The following HIVEP1 variants were observed in gnomAD, a reference collection of about 807,000 sequenced individuals.
HIVEP1 encodes the protein HIVEP zinc finger 1, also known as zinc finger protein 40.
A neutral mutation model predicts 180.0 loss-of-function variants in HIVEP1; 36 were observed. The observed-to-expected ratio is 0.20, with a 90% CI of 0.15 to 0.26. The LOEUF (loss-of-function observed/expected upper bound fraction) is 0.26. Among genes scored for constraint, HIVEP1 ranks in the 10% least tolerant of loss-of-function variants. HIVEP1 has a pLI of 1.00. For synonymous variants in HIVEP1, 1,239 were observed against 1,239.0 expected (o/e 1.00, Z 0.00); for missense variants, 3,143 against 3,268.7 (o/e 0.96, Z 0.94).
At chr6:12,102,930 TCA>T (rs1323384722) in intron 3 of HIVEP1, among the ~76,000 whole-genome samples, 1 of 152,162 alleles carries the variant, frequency 6.6e-6, no homozygotes, top group Admixed American at 6.5e-5. Flanking sequence ...TTAATAGTGT[TCA>T]GTCTACTTTA....
rs70981658 is a variant in HIVEP1 at position 12,020,890 on chromosome 6, C to CTTTTTTT, written c.40+5234_40+5240dup. 9.6e-4 allele frequency among the ~76,000 whole-genome samples: 101 copies of CTTTTTTT among 105,750 alleles called. 3 individuals are homozygous for CTTTTTTT. Among genetic ancestry groups the CTTTTTTT allele is most frequent in the East Asian group, 2.5e-3 (9 of 3,626 alleles). 69.4% of individuals were successfully genotyped at this position (105,750 alleles called of 152,430 possible). A position where few individuals can be genotyped will look rare whatever the true frequency, so the allele number is the denominator to read the frequency against. The stretch of plus-strand genomic sequence containing the variant: ...GAGAACCAGATTTCTTTCTTTCTTT[C>CTTTTTTT]TTTTTTTTTTTTTTTTTTGAGACGG... On this transcript the variant is annotated intron_variant, in intron 2 of 8. Transcript: ENST00000379388.
chr6:12,024,325 G>A (rs758407902), intron 2 of HIVEP1, among the ~76,000 whole-genome samples: 8 of 139,370 alleles, frequency 5.7e-5, no homozygotes, highest in Non-Finnish European at 9.3e-5. Context: ...GATGAATTTT[G>A]TTCTAGAAAA....
chr6:12,013,118 C>G (rs1767490806), intron 1 of HIVEP1, among the ~76,000 whole-genome samples: 1 of 152,106 alleles, frequency 6.6e-6, no homozygotes, highest in Non-Finnish European at 1.5e-5. Flanking sequence ...GAGGAGGAGT[C>G]TCAGGGCTGC....
At chr6:12,135,274 G>T (rs974233591) in intron 6 of HIVEP1, among the ~76,000 whole-genome samples, 7 of 152,240 alleles carry the variant, frequency 4.6e-5, no homozygotes, top group African/African-American at 9.6e-5. Context: ...AAACTGTTAA[G>T]GTCCCAGGCA....
At chr6:12,050,257 G>C (rs945048590) in intron 2 of HIVEP1, among the ~76,000 whole-genome samples, 2 of 152,174 alleles carry the variant, frequency 1.3e-5, no homozygotes, top group African/African-American at 4.8e-5. Context: ...TGAATAACGA[G>C]AGTTCATGCC....
chr6:12,167,900 AAT>A (rs1241950261), downstream of HIVEP1, among the ~76,000 whole-genome samples: 2 of 141,424 alleles, frequency 1.4e-5, no homozygotes, highest in Non-Finnish European at 1.5e-5. Flanking sequence ...GTGCGTATAT[AAT>A]ATATACACAT....
chr6:12,207,950 G>A, the HIVEP1 span, among the ~76,000 whole-genome samples: 3 of 150,004 alleles, frequency 2.0e-5, no homozygotes, highest in East Asian at 1.9e-4. Flanking sequence ...GGATGTGGAA[G>A]AATCAGACCT....
intron 2 of HIVEP1, among the ~76,000 whole-genome samples, chr6:12,074,614 GA>G (rs571751619): frequency 4.8e-5 from 6 of 124,192 alleles, no homozygotes; most frequent in African/African-American, 2.0e-4. Flanking sequence ...TTAATTGTAT[GA>G]AAAAGTGTGT....
chr6:12,207,519 T>C, the HIVEP1 span, among the ~76,000 whole-genome samples: 2 of 152,072 alleles, frequency 1.3e-5, no homozygotes, highest in African/African-American at 4.8e-5. Flanking sequence ...GTGCTAGAAA[T>C]ACCTGTCAAA....
chr6:12,102,073 C>A (rs1774145015), intron 3 of HIVEP1, among the ~76,000 whole-genome samples: 1 of 151,974 alleles, frequency 6.6e-6, no homozygotes, highest in African/African-American at 2.4e-5. Context: ...ATGTATCCAC[C>A]TGATAATAGA....
chr6:12,199,514 A>G, the HIVEP1 span, among the ~76,000 whole-genome samples: 1 of 152,022 alleles, frequency 6.6e-6, no homozygotes, highest in Non-Finnish European at 1.5e-5. Context: ...GGTGCCCACC[A>G]CCATGCCCGG....
chr6:12,126,624 C>T (rs1042983213), intron 4 of HIVEP1, among the ~76,000 whole-genome samples: 1 of 152,182 alleles, frequency 6.6e-6, no homozygotes, highest in African/African-American at 2.4e-5. Flanking sequence ...TATTTGGCCT[C>T]TGCAGATTCA....
the HIVEP1 span, among the ~76,000 whole-genome samples, chr6:12,176,024 G>A: frequency 2.0e-5 from 3 of 152,164 alleles, no homozygotes; most frequent in Non-Finnish European, 2.9e-5. Flanking sequence ...GAGGCTGCGA[G>A]GAGCCCGTCA....
At chr6:12,141,590 AC>A (rs1759034429) in intron 7 of HIVEP1, among the ~76,000 whole-genome samples, 1 of 150,932 alleles carries the variant, frequency 6.6e-6, no homozygotes, top group Non-Finnish European at 1.5e-5. Flanking sequence ...AAGAGACAAG[AC>A]CCATCAGTGT....
chr6:12,175,021 C>T, the HIVEP1 span, among the ~76,000 whole-genome samples: 8 of 152,146 alleles, frequency 5.3e-5, no homozygotes, highest in East Asian at 1.2e-3. Context: ...AGGTTTATTT[C>T]AATGACCATA....
intron 7 of HIVEP1, among the ~76,000 whole-genome samples, chr6:12,141,957 C>G (rs1199890833): frequency 1.3e-5 from 2 of 152,084 alleles, no homozygotes; most frequent in African/African-American, 4.8e-5. Context: ...ACCCCACTGT[C>G]AGTATTAGAC....
At chr6:12,106,832 G>T (rs534463576) in intron 3 of HIVEP1, among the ~76,000 whole-genome samples, 1 of 152,118 alleles carries the variant, frequency 6.6e-6, no homozygotes, top group Admixed American at 6.5e-5. Context: ...TGAGTATTGC[G>T]TATCATTGGC....
Position 12,123,855 on chromosome 6 carries a change from C to T in HIVEP1, c.4060C>T (p.Leu1354=). The change falls in exon 4 of 9, where the codon CTG becomes TTG. Residue 1354 remains leucine (L), a synonymous_variant. Transcript: ENST00000379388. Reference sequence around the variant, plus strand: ...TATGATTCCAGCTGGCTTGAATACTCTGAATGTTCCTGGATGTCACCGGGA... The same window carrying T: ...TATGATTCCAGCTGGCTTGAATACTTTGAATGTTCCTGGATGTCACCGGGA... ...FLMIPAGLNT[L]NVPGCHREMR... 1 of 1,614,132 alleles carries T rather than the reference C, an allele frequency of 6.2e-7. No individual in the cohort carries two copies. Among genetic ancestry groups the T allele is most frequent in the Non-Finnish European group, 8.5e-7 (1 of 1,179,986 alleles).
chr6:12,044,631 A>T (rs2113693898), intron 2 of HIVEP1, among the ~76,000 whole-genome samples: 1 of 150,956 alleles, frequency 6.6e-6, no homozygotes, highest in African/African-American at 2.4e-5. Context: ...AAGCCAGCGC[A>T]CCTGTTTACA....
Sources: gnomAD v4.1 joint callset for allele counts (sites outside exome capture counted in the v4.1 genomes callset) on GRCh38, gnomAD v4.1.1 for gene constraint, MANE v1.5 for transcripts, NCBI Gene and HGNC (gene_info 2026-07-23, HGNC 2026-07-21) for gene names.